Variants in CPNE2 observed in about 807,000 individuals in gnomAD.
The protein encoded by CPNE2 is copine 2.
CPNE2 carries 42 observed loss-of-function variants against 69.7 expected under a neutral mutation model. The ratio of observed to expected loss-of-function variants is 0.60; its 90% CI spans 0.47 to 0.78. The LOEUF is 0.78. CPNE2 is among the 30% of genes least tolerant of loss of function. CPNE2 has a pLI of 0.00. For synonymous variants in CPNE2, 294 were observed against 289.8 expected, an observed-to-expected ratio of 1.01 and a Z score of -0.15; for missense variants, 587 against 732.0, an observed-to-expected ratio of 0.80 and a Z score of 2.29.
At chr16:57,145,831 G>C in intron 14 of CPNE2, 1 of 527,048 alleles carries the variant, frequency 1.9e-6, no homozygotes, top group Non-Finnish European at 3.4e-6. Flanking sequence ...GGGAGTCTAA[G>C]ATAACACACA....
chr16:57,104,642 C>T (rs2145238530), intron 1 of CPNE2, among the ~76,000 whole-genome samples: 2 of 152,260 alleles, frequency 1.3e-5, no homozygotes, highest in Middle Eastern at 6.8e-3. Context: ...GTGATGATGT[C>T]CTCCTGAGGG....
At chr16:57,123,527 C>T in intron 10 of CPNE2, 54 bp downstream of exon 10, 1 of 1,571,062 alleles carries the variant, frequency 6.4e-7, no homozygotes, top group Non-Finnish European at 8.7e-7. Flanking sequence ...GAGGGTCCTC[C>T]CTGAAGACTT....
intron 1 of CPNE2, among the ~76,000 whole-genome samples, chr16:57,098,209 A>T (rs1425125842): frequency 6.6e-6 from 1 of 152,206 alleles, no homozygotes; most frequent in Non-Finnish European, 1.5e-5. Flanking sequence ...GGGGGTCCCC[A>T]GGGGGGCCTC....
At chr16:57,095,321 A>G (rs2069571626) in intron 1 of CPNE2, among the ~76,000 whole-genome samples, 1 of 152,244 alleles carries the variant, frequency 6.6e-6, no homozygotes, top group African/African-American at 2.4e-5. Flanking sequence ...GCCTGAGGAC[A>G]GAGCCCAGGT....
At chr16:57,119,307 A>T in intron 6 of CPNE2, 29 bp downstream of exon 6, 1 of 1,599,934 alleles carries the variant, frequency 6.3e-7, no homozygotes, top group Non-Finnish European at 8.6e-7. Context: ...AGGGATCTCT[A>T]AGCAGTGGGC....
At position 57,146,275 on chromosome 16, in the gene CPNE2, C is replaced by G. The variant is rs2069957422; in HGVS notation, c.1493C>G (p.Ala498Gly). 2 of 1,555,790 alleles carry G rather than the reference C, an allele frequency of 1.3e-6. No individual in the cohort carries two copies. Among genetic ancestry groups the G allele is most frequent in the African/African-American group, 2.7e-5 (2 of 73,320 alleles). Residue 498 changes from alanine (A) to glycine (G), a missense_variant, in exon 15 of 16, where the codon GCA becomes GGA. Ala to Gly is a moderately conservative substitution (Grantham distance 60). Transcript: ENST00000290776. The surrounding 1 kb of genome is among the most constrained non-coding windows in gnomAD (Gnocchi z 4.4). ...RMLRSHTGEEAARDIVQFVPF... is the reference protein window; with the variant it reads ...RMLRSHTGEEGARDIVQFVPF... The stretch of plus-strand genomic sequence containing the variant: ...CTGCGCTCCCACACGGGGGAGGAGG[C>G]AGCCCGCGATATTGTGCAGTTCGTT...
intron 1 of CPNE2, among the ~76,000 whole-genome samples, chr16:57,095,098 C>T (rs779201509): frequency 1.2e-4 from 18 of 152,312 alleles, no homozygotes; most frequent in Non-Finnish European, 2.4e-4. Flanking sequence ...AGCAAAACAC[C>T]TTGAGGACCC....
In CPNE2 at chr16:57,130,998, CAG is replaced by C. The variant is rs2069834690; in HGVS notation, c.1116+3099_1116+3100del. 6.6e-6 allele frequency among the ~76,000 whole-genome samples: 1 copy of C among 152,046 alleles called. No homozygotes were observed. The highest frequency in any genetic ancestry group is 1.5e-5 in the Non-Finnish European group (1 of 68,012). ...CCAGGGGAGGGGTGGTTTGGTGGCT[CAG>C]AGATGGAGACGTCAATGAGGGCAGA... On this transcript the variant is annotated intron_variant, in intron 12 of 15. Coordinates refer to ENST00000290776, the MANE Select transcript of CPNE2 (RefSeq NM_152727.6). This position sits in a 1 kb window ranked among gnomAD's most constrained non-coding sequence, Gnocchi z 4.1.
chr16:57,102,170 T>C (rs1036688476), intron 1 of CPNE2, among the ~76,000 whole-genome samples: 2 of 152,020 alleles, frequency 1.3e-5, no homozygotes, highest in Non-Finnish European at 2.9e-5. Context: ...CCAGCTGGGC[T>C]TAAATTCCTG....
rs562254036 is a variant in CPNE2 at position 57,117,545 on chromosome 16, C to A, written c.485C>A (p.Ala162Glu). 1.9e-6 allele frequency: 3 copies of A among 1,613,792 alleles called. No homozygotes were observed. Among genetic ancestry groups the A allele is most frequent in the East Asian group, 2.2e-5 (1 of 44,894 alleles). The stretch of plus-strand genomic sequence containing the variant: ...AACCGCGTCATCACACTAAGCCTGG[C>A]GGGCAGGAGGCTGGACAAGAAGGTA... ...SDNRVITLSL[A>E]GRRLDKKDLF... is the part of the protein sequence containing the mutation. Residue 162 changes from alanine (A) to glutamate (E), a missense_variant, in exon 5 of 16, where the codon GCG becomes GAG. Around this residue, in one of 5 missense-constraint regions of CPNE2, gnomAD observed 269 missense variants for 300.5 expected, o/e 0.90. Transcript: ENST00000290776.
chr16:57,110,998 G>T, intron 2 of CPNE2, 76 bp downstream of exon 2: 1 of 1,386,454 alleles, frequency 7.2e-7, no homozygotes, highest in Non-Finnish European at 9.8e-7. Context: ...CCCAGGACTG[G>T]GATCCAGGAT....
intron 1 of CPNE2, among the ~76,000 whole-genome samples, chr16:57,107,865 CTTTTTTTTTTT>C (rs11347830): frequency 1.0e-5 from 1 of 98,796 alleles, no homozygotes. Flanking sequence ...ACAGAGCAAT[CTTTTTTTTTTT>C]TTTTTTTTTT....
chr16:57,115,835 C>CAGTG (rs2069715197), intron 4 of CPNE2, among the ~76,000 whole-genome samples: 2 of 152,246 alleles, frequency 1.3e-5, no homozygotes, highest in South Asian at 4.1e-4. Context: ...CCCTGCCCAT[C>CAGTG]AGTGCCCTGC....
chr16:57,094,904 CAA>C (rs1369992598), intron 1 of CPNE2, among the ~76,000 whole-genome samples: 1 of 152,108 alleles, frequency 6.6e-6, no homozygotes, highest in African/African-American at 2.4e-5. Flanking sequence ...GAACAGAAAA[CAA>C]AAGAGCACTC....
intron 3 of CPNE2, 71 bp from the exon 4 acceptor site, chr16:57,115,405 C>A: frequency 1.6e-6 from 2 of 1,260,288 alleles, no homozygotes; most frequent in Non-Finnish European, 2.3e-6. Context: ...TTTCCGGTGC[C>A]GGTGGAGGAT....
intron 12 of CPNE2, among the ~76,000 whole-genome samples, chr16:57,131,657 G>T (rs371764854): frequency 1.3e-5 from 2 of 152,256 alleles, no homozygotes; most frequent in African/African-American, 4.8e-5. Flanking sequence ...AAGATGCTGC[G>T]TCCAGGCTAG....
chr16:57,094,442 C>T lies in CPNE2; in HGVS notation c.-36+1652C>T, dbSNP rs912371482. Among the ~76,000 whole-genome samples the T allele has an allele frequency of 7.2e-5, 11 of 152,050 alleles. No homozygotes were observed. The South Asian group carries it at 2.3e-3, about 32-fold the overall frequency. The stretch of plus-strand genomic sequence containing the variant: ...ATGTCATGAGAATTAAAAACTGGGG[C>T]ATAAGGGAAGAAGATGGCTGAGAAT... On this transcript the variant is annotated intron_variant, in intron 1 of 15. Transcript: ENST00000290776.
chr16:57,115,470 C>T lies in CPNE2; in HGVS notation c.361-6C>T. On this transcript the variant is annotated splice_polypyrimidine_tract_variant and splice_region_variant and intron_variant, in intron 3 of 15. Coordinates refer to ENST00000290776, the MANE Select transcript of CPNE2 (RefSeq NM_152727.6). Reference sequence around the variant, plus strand: ...CACTGAGCGCCCTTTCTCCTCTCTCCCCTAGATCGTCTCCAGCAAGAAGAT... The same window carrying T: ...CACTGAGCGCCCTTTCTCCTCTCTCTCCTAGATCGTCTCCAGCAAGAAGAT... The T allele has an allele frequency of 6.2e-7, 1 of 1,610,734 alleles. No individual in the cohort carries two copies. Among genetic ancestry groups the T allele is most frequent in the Non-Finnish European group, 8.5e-7 (1 of 1,178,030 alleles).
At chr16:57,113,177 G>A (rs1409603170) in intron 2 of CPNE2, 111 bp from the exon 3 acceptor site, 8 of 992,176 alleles carry the variant, frequency 8.1e-6, no homozygotes, top group Non-Finnish European at 1.2e-5. Flanking sequence ...GACCACAAGA[G>A]CCTGGCACAG....
Sources: allele counts gnomAD v4.1 joint callset (sites outside exome capture counted in the v4.1 genomes callset), GRCh38; gene constraint gnomAD v4.1.1; regional missense constraint gnomAD v4.1.1; non-coding constraint Gnocchi (gnomAD v3.1); transcripts MANE v1.5; gene names NCBI Gene and HGNC (gene_info 2026-07-23, HGNC 2026-07-21).